Variants in ENTPD7 observed in about 807,000 individuals in gnomAD.
ENTPD7 encodes the protein ectonucleoside triphosphate diphosphohydrolase 7.
A neutral mutation model predicts 77.9 loss-of-function variants in ENTPD7; 53 were observed. The ratio of observed to expected loss-of-function variants is 0.68; its 90% CI spans 0.55 to 0.85. ENTPD7 has a LOEUF of 0.85. Among genes scored for constraint, ENTPD7 ranks in the 40% least tolerant of loss-of-function variants. The pLI, the probability that ENTPD7 is intolerant of heterozygous loss-of-function variation, is 0.00. For synonymous variants in ENTPD7, 248 were observed against 274.9 expected, an observed-to-expected ratio of 0.90 and a Z score of 0.97; for missense variants, 636 against 743.7, an observed-to-expected ratio of 0.86 and a Z score of 1.68.
At chr10:99,704,372 C>A in intron 12 of ENTPD7, 80 bp from the exon 13 acceptor site, 3 of 1,356,698 alleles carry the variant, frequency 2.2e-6, no homozygotes, top group Non-Finnish European at 3.1e-6. Flanking sequence ...GATAACACTA[C>A]TGGGCCTTTC....
At chr10:99,676,674 C>T (rs1270959779) in intron 3 of ENTPD7, among the ~76,000 whole-genome samples, 1 of 152,196 alleles carries the variant, frequency 6.6e-6, no homozygotes, top group Non-Finnish European at 1.5e-5. Context: ...GCCCAGCTCT[C>T]ATATGATAGA....
At position 99,698,612 on chromosome 10, in the gene ENTPD7, G is replaced by A; in HGVS notation, c.1089G>A (p.Val363=). 1 of 1,614,186 alleles carries A rather than the reference G, an allele frequency of 6.2e-7. No homozygotes were observed. Among genetic ancestry groups the A allele is most frequent in the Non-Finnish European group, 8.5e-7 (1 of 1,180,024 alleles). ...GCCTGCCAGTGGGACTCACAGATGT[G>A]GTGGAGAGGAACAGCCAAGTCTTAC... The part of the protein sequence containing the change: ...DPCLPVGLTD[V]VERNSQVLHV... The change falls in exon 10 of 13, where the codon GTG becomes GTA. Residue 363 remains valine (V), a synonymous_variant. Coordinates refer to ENST00000370489, the MANE Select transcript of ENTPD7 (RefSeq NM_020354.5).
At chr10:99,677,459 G>A (rs1182844871) in intron 3 of ENTPD7, among the ~76,000 whole-genome samples, 1 of 147,448 alleles carries the variant, frequency 6.8e-6, no homozygotes, top group Admixed American at 6.9e-5. Context: ...CCGCCTCCCA[G>A]GTTCAAGCGA....
intron 3 of ENTPD7, among the ~76,000 whole-genome samples, chr10:99,667,142 C>T (rs2035560133): frequency 6.6e-6 from 1 of 152,224 alleles, no homozygotes; most frequent in Non-Finnish European, 1.5e-5. Context: ...GACTGTGCCA[C>T]TGTGGCGACC....
chr10:99,710,414 C>T lies in ENTPD7; in HGVS notation c.*5731C>T, dbSNP rs1449457375. ...TTTCTACCTTGATCAATGGCCTCTG[C>T]GGAGTGTAGTGAAAGACATCTTTTT... On this transcript the variant is annotated 3_prime_UTR_variant, in exon 13 of 13. Transcript: ENST00000370489. 4.1e-6 allele frequency: 4 copies of T among 985,176 alleles called. No individual in the cohort carries two copies. Among genetic ancestry groups the T allele is most frequent in the Non-Finnish European group, 4.8e-6 (4 of 829,908 alleles). 61.0% of individuals were successfully genotyped at this position (985,176 alleles called of 1,614,324 possible). A position where few individuals can be genotyped will look rare whatever the true frequency, so the allele number is the denominator to read the frequency against.
intron 7 of ENTPD7, among the ~76,000 whole-genome samples, chr10:99,689,536 A>G (rs1335029128): frequency 6.6e-6 from 1 of 152,192 alleles, no homozygotes; most frequent in Non-Finnish European, 1.5e-5. Context: ...TGGAGGTCAG[A>G]TATAGATGTT....
rs1057490 is a variant in ENTPD7, at chr10:99,706,849, G to T, written c.*2166G>T. On this transcript the variant is annotated 3_prime_UTR_variant, in exon 13 of 13. Transcript: ENST00000370489. Reference sequence around the variant, plus strand: ...TCTTGGTTTCCATATACTATTTTTGGTTTTTTGTGAGATCTAATCAATGAT... The same window carrying T: ...TCTTGGTTTCCATATACTATTTTTGTTTTTTTGTGAGATCTAATCAATGAT... Among the ~76,000 whole-genome samples the T allele has an allele frequency of 0.43, 65,961 of 151,942 alleles. 14,735 individuals carry two copies. The highest frequency in any genetic ancestry group is 0.65 in the Middle Eastern group (190 of 294).
chr10:99,702,709 C>A, intron 12 of ENTPD7, 36 bp downstream of exon 12: 1 of 1,548,430 alleles, frequency 6.5e-7, no homozygotes, highest in South Asian at 1.2e-5. Context: ...ATCTTGAGCT[C>A]AGAGGATATC....
Position 99,708,759 on chromosome 10 carries a change from G to A in ENTPD7, c.*4076G>A, listed in dbSNP as rs1361661945. On this transcript the variant is annotated 3_prime_UTR_variant, in exon 13 of 13. Coordinates refer to ENST00000370489, the MANE Select transcript of ENTPD7 (RefSeq NM_020354.5). ...TCTGGTCAACCCCCTTGATTTATATGGGTGATAAAACTGAGGCCTAGAGCA... is the reference window on the plus strand; with the variant it reads ...TCTGGTCAACCCCCTTGATTTATATAGGTGATAAAACTGAGGCCTAGAGCA... 1 of 864,262 alleles carries A rather than the reference G, an allele frequency of 1.2e-6. No homozygotes were observed. The highest frequency in any genetic ancestry group is 1.8e-5 in the African/African-American group (1 of 54,738). 53.5% of individuals were successfully genotyped at this position (864,262 alleles called of 1,614,324 possible).
At chr10:99,697,391 CT>C in intron 9 of ENTPD7, 1 of 156,118 alleles carries the variant, frequency 6.4e-6, no homozygotes, top group East Asian at 1.9e-4. Flanking sequence ...GCTGTGCTTC[CT>C]TTTCCATTTT....
At position 99,691,528 on chromosome 10, in the gene ENTPD7, C is replaced by T; in HGVS notation, c.843+10C>T. ...CCTTCCTGCAAAGCAGGTACTTTAC[C>T]TTTTAGGGAAATTTAGTTGCTAGGA... On this transcript the variant is annotated intron_variant, in intron 8 of 12. Coordinates refer to ENST00000370489, the MANE Select transcript of ENTPD7 (RefSeq NM_020354.5). The T allele has an allele frequency of 3.7e-6, 6 of 1,612,234 alleles. No individual in the cohort carries two copies. Among genetic ancestry groups the T allele is most frequent in the Non-Finnish European group, 5.1e-6 (6 of 1,179,430 alleles).
At chr10:99,691,290 C>A in intron 7 of ENTPD7, 95 bp from the exon 8 acceptor site, 1 of 1,363,160 alleles carries the variant, frequency 7.3e-7, no homozygotes, top group Non-Finnish European at 9.9e-7. Flanking sequence ...TGGCACCTGC[C>A]TGCTTTCAAA....
intron 5 of ENTPD7, among the ~76,000 whole-genome samples, chr10:99,685,489 C>A (rs764997786): frequency 2.0e-4 from 31 of 152,152 alleles, no homozygotes; most frequent in Admixed American, 2.6e-4. Flanking sequence ...TGTTTGTACT[C>A]AGCCTGTGAG....
intron 5 of ENTPD7, among the ~76,000 whole-genome samples, chr10:99,683,752 A>T (rs2035780190): frequency 6.6e-6 from 1 of 152,070 alleles, no homozygotes; most frequent in Admixed American, 6.5e-5. Flanking sequence ...TTATCTTTTC[A>T]TGTCTATACA....
chr10:99,659,544 A>G lies in ENTPD7; in HGVS notation c.-140A>G. The G allele has an allele frequency of 6.2e-6, 1 of 162,578 alleles. No individual in the cohort carries two copies. Among genetic ancestry groups the G allele is most frequent in the Non-Finnish European group, 1.3e-5 (1 of 74,600 alleles). The allele number at this position is 162,578 out of a possible 1,614,324, so 10.1% of individuals were successfully genotyped here. On this transcript the variant is annotated 5_prime_UTR_variant, in exon 1 of 13. Transcript: ENST00000370489. The surrounding 1 kb of genome is among the most constrained non-coding windows in gnomAD (Gnocchi z 4.1). Reference sequence around the variant, plus strand: ...AAGGGGCCGCGGGGAGCAGCTCGGGACTGAACCGAGAGGTGCCGAAGGAAC... The same window carrying G: ...AAGGGGCCGCGGGGAGCAGCTCGGGGCTGAACCGAGAGGTGCCGAAGGAAC...
chr10:99,698,496 C>T (rs774378844), intron 9 of ENTPD7, 38 bp from the exon 10 acceptor site: 132 of 1,472,776 alleles, frequency 9.0e-5, no homozygotes, highest in Middle Eastern at 3.6e-4. Flanking sequence ...ACAGGCATGA[C>T]GTGTTTGTTT....
Position 99,698,747 on chromosome 10 carries a change from T to G in ENTPD7, c.1224T>G (p.Ile408Met), listed in dbSNP as rs776719484. ...ASLNGIYQSP[I>M]DFNNSEFYGF... ...TCAATGGCATATATCAATCGCCTATTGACTTCAACAACAGCGAGTTCTACG... is the reference window on the plus strand; with the variant it reads ...TCAATGGCATATATCAATCGCCTATGGACTTCAACAACAGCGAGTTCTACG... Residue 408 changes from isoleucine (I) to methionine (M), a missense_variant, in exon 10 of 13, where the codon ATT becomes ATG. By Grantham distance (10) the Ile-to-Met change is conservative. Around this residue, in one of 3 missense-constraint regions of ENTPD7, gnomAD observed 486 missense variants for 556.5 expected, o/e 0.87. Coordinates refer to ENST00000370489, the MANE Select transcript of ENTPD7 (RefSeq NM_020354.5). The G allele has an allele frequency of 1.2e-6, 2 of 1,614,124 alleles. No individual in the cohort carries two copies. Among genetic ancestry groups the G allele is most frequent in the South Asian group, 1.1e-5 (1 of 91,090 alleles).
At chr10:99,687,390 C>T (rs1257923650) in intron 6 of ENTPD7, among the ~76,000 whole-genome samples, 1 of 150,994 alleles carries the variant, frequency 6.6e-6, no homozygotes, top group Middle Eastern at 3.4e-3. Context: ...CTCAGCCTCC[C>T]GAGTAGCTGG....
intron 3 of ENTPD7, among the ~76,000 whole-genome samples, chr10:99,674,280 AT>A (rs2035653830): frequency 6.6e-6 from 1 of 152,190 alleles, no homozygotes; most frequent in South Asian, 2.1e-4. Flanking sequence ...GGGTGAAACT[AT>A]TTTTTATAAT....
Sources: gnomAD v4.1 joint callset for allele counts (sites outside exome capture counted in the v4.1 genomes callset) on GRCh38, gnomAD v4.1.1 for gene constraint, gnomAD v4.1.1 regional missense constraint, Gnocchi (gnomAD v3.1) non-coding constraint, MANE v1.5 for transcripts, NCBI Gene and HGNC (gene_info 2026-07-23, HGNC 2026-07-21) for gene names.